Variants in CFAP70 observed in about 807,000 individuals in gnomAD.
The protein encoded by CFAP70 is cilia- and flagella-associated protein 70.
A neutral mutation model predicts 137.6 loss-of-function variants in CFAP70; 81 were observed. The ratio of observed to expected loss-of-function variants is 0.59; its 90% CI spans 0.49 to 0.71. The LOEUF (loss-of-function observed/expected upper bound fraction) is 0.71. Among genes scored for constraint, CFAP70 ranks in the 30% least tolerant of loss-of-function variants. The pLI is 0.00. For missense variants in CFAP70, 976 were observed against 1,226.7 expected, an observed-to-expected ratio of 0.80 and a Z score of 3.05; for synonymous variants, 382 against 423.6, an observed-to-expected ratio of 0.90 and a Z score of 1.20.
At chr10:73,294,463 G>A (rs548509459) in intron 15 of CFAP70, 50 of 152,286 alleles carry the variant, frequency 3.3e-4, no homozygotes, top group African/African-American at 1.2e-3. Context: ...TAAAACAATA[G>A]CACAATCTGA....
chr10:73,343,958 T>A (rs1475516509), intron 5 of CFAP70, among the ~76,000 whole-genome samples: 1 of 146,678 alleles, frequency 6.8e-6, no homozygotes, highest in Non-Finnish European at 1.5e-5. Context: ...TCTCTACATA[T>A]GAAGAATTTT....
chr10:73,268,000 T>C (rs187330550), intron 25 of CFAP70, among the ~76,000 whole-genome samples: 5 of 152,352 alleles, frequency 3.3e-5, no homozygotes, highest in Admixed American at 3.3e-4. Flanking sequence ...ACATCCTTTC[T>C]GCCCCCACCA....
At chr10:73,293,435 A>T in intron 15 of CFAP70, 47 bp from the exon 17 acceptor site, 1 of 1,508,600 alleles carries the variant, frequency 6.6e-7, no homozygotes, top group Non-Finnish European at 8.9e-7. Context: ...AACAATTACA[A>T]GTAGAGAGGT....
intron 8 of CFAP70, among the ~76,000 whole-genome samples, chr10:73,323,980 A>C (rs529798654): frequency 1.4e-4 from 22 of 152,350 alleles, no homozygotes; most frequent in African/African-American, 5.3e-4. Flanking sequence ...TGAAGAGAGC[A>C]GTGGTTCTCC....
intron 4 of CFAP70, 27 bp downstream of exon 5, chr10:73,348,129 A>C: frequency 6.2e-7 from 1 of 1,603,482 alleles, no homozygotes; most frequent in Non-Finnish European, 8.5e-7. Flanking sequence ...GGCAGGCTGA[A>C]ATGTTGAGAG....
At chr10:73,317,005 T>G (rs2050445977) in intron 9 of CFAP70, among the ~76,000 whole-genome samples, 1 of 152,138 alleles carries the variant, frequency 6.6e-6, no homozygotes, top group South Asian at 2.1e-4. Flanking sequence ...TATCTGGGGA[T>G]GTCTTTATTT....
At chr10:73,341,978 T>G (rs2053292631) in intron 5 of CFAP70, among the ~76,000 whole-genome samples, 1 of 152,204 alleles carries the variant, frequency 6.6e-6, no homozygotes, top group South Asian at 2.1e-4. Context: ...AAATAAAATC[T>G]TGGACCAAAT....
chr10:73,338,981 A>G (rs2052982794), intron 6 of CFAP70, among the ~76,000 whole-genome samples: 1 of 150,766 alleles, frequency 6.6e-6, no homozygotes, highest in Non-Finnish European at 1.5e-5. Flanking sequence ...GTGCAGTGAC[A>G]CAATCCTGAC....
intron 9 of CFAP70, among the ~76,000 whole-genome samples, chr10:73,317,516 T>C (rs1421138230): frequency 1.3e-5 from 2 of 152,208 alleles, no homozygotes; most frequent in Non-Finnish European, 2.9e-5. Flanking sequence ...TCTCTTTCAT[T>C]TGACTATATA....
intron 13 of CFAP70, 94 bp downstream of exon 14, chr10:73,299,511 C>A: frequency 9.4e-7 from 1 of 1,065,292 alleles, no homozygotes; most frequent in Non-Finnish European, 1.4e-6. Flanking sequence ...GTTTTCACCC[C>A]TTCTGGAAGA....
chr10:73,260,651 C>T (rs1195175950), intron 25 of CFAP70, among the ~76,000 whole-genome samples: 1 of 152,190 alleles, frequency 6.6e-6, no homozygotes, highest in East Asian at 1.9e-4. Context: ...TCCATCCTCA[C>T]CTTTAGCTCC....
intron 19 of CFAP70, among the ~76,000 whole-genome samples, chr10:73,281,719 T>C (rs1209165453): frequency 1.3e-5 from 2 of 152,172 alleles, no homozygotes; most frequent in African/African-American, 4.8e-5. Flanking sequence ...ATATTCACAG[T>C]AGTAAAGACA....
chr10:73,293,122 G>T (rs2048295394), intron 16 of CFAP70, 141 bp downstream of exon 17: 1 of 763,932 alleles, frequency 1.3e-6, no homozygotes, highest in Non-Finnish European at 1.9e-6. Flanking sequence ...TGACCTTATT[G>T]GTGGGAACCT....
At chr10:73,320,334 A>C (rs2050740540) in intron 9 of CFAP70, among the ~76,000 whole-genome samples, 1 of 149,962 alleles carries the variant, frequency 6.7e-6, no homozygotes, top group African/African-American at 2.5e-5. Context: ...TTTATTTTTA[A>C]TTTTTTTTGA....
At chr10:73,310,841 C>CA (rs1439825269) in intron 11 of CFAP70, among the ~76,000 whole-genome samples, 3 of 152,164 alleles carry the variant, frequency 2.0e-5, no homozygotes, top group African/African-American at 7.2e-5. Context: ...TCAATACCCC[C>CA]AAAGCTTCCC....
intron 5 of CFAP70, 39 bp downstream of exon 6, chr10:73,345,026 T>C (rs746595730): frequency 7.6e-6 from 12 of 1,577,830 alleles, no homozygotes; most frequent in South Asian, 1.1e-5. Context: ...AGTACAGACA[T>C]GTTTGAATCT....
intron 25 of CFAP70, among the ~76,000 whole-genome samples, chr10:73,269,107 T>C (rs1338451688): frequency 1.3e-5 from 2 of 152,226 alleles, no homozygotes; most frequent in African/African-American, 4.8e-5. Flanking sequence ...GGTGTCATAC[T>C]GTCCAGTGGA....
chr10:73,297,266 C>G (rs1265934819), intron 14 of CFAP70, 93 bp from the exon 16 acceptor site: 1 of 1,349,856 alleles, frequency 7.4e-7, no homozygotes, highest in African/African-American at 1.5e-5. Flanking sequence ...TAAAGCTGAT[C>G]AAAATTTCAG....
chr10:73,278,665 C>G (rs112125951), intron 19 of CFAP70, among the ~76,000 whole-genome samples: 92 of 152,122 alleles, frequency 6.0e-4, no homozygotes, highest in Middle Eastern at 3.4e-3. Flanking sequence ...TGCAAGGATA[C>G]GTTTGTTTCA....
Sources: gnomAD v4.1 joint callset for allele counts (sites outside exome capture counted in the v4.1 genomes callset) on GRCh38, gnomAD v4.1.1 for gene constraint, MANE v1.5 for transcripts, NCBI Gene and HGNC (gene_info 2026-07-23, HGNC 2026-07-21) for gene names.